Variants in APBA3 observed in about 807,000 individuals in gnomAD.
APBA3 encodes the protein amyloid beta precursor protein binding family A member 3.
In APBA3, 45 loss-of-function variants were observed where a neutral mutation model predicts 55.9. That is an observed-to-expected ratio of 0.80 (90% confidence interval 0.63 to 1.03). APBA3 has a LOEUF of 1.03. Ranked by LOEUF, APBA3 falls within the 50% of genes least tolerant of loss-of-function variation. The pLI is 0.00. For synonymous variants in APBA3, 370 were observed against 353.3 expected, an observed-to-expected ratio of 1.05 and a Z score of -0.53; for missense variants, 865 against 820.3, an observed-to-expected ratio of 1.05 and a Z score of -0.67.
intron 3 of APBA3, among the ~76,000 whole-genome samples, chr19:3,758,275 A>G (rs2037102783): frequency 6.6e-6 from 1 of 150,932 alleles, no homozygotes; most frequent in South Asian, 2.1e-4. Flanking sequence ...TATTTTTGAG[A>G]CAGAGTCTCG....
rs1472123862 is a variant in APBA3 at position 3,759,838 on chromosome 19, C to T, written c.427G>A (p.Glu143Lys). Residue 143 changes from glutamate (E) to lysine (K), a missense_variant, in exon 2 of 11, where the codon GAG (glutamate) becomes AAG (lysine). By Grantham distance (56) the Glu-to-Lys change is moderately conservative (BLOSUM62 1). Coordinates refer to ENST00000316757, the MANE Select transcript of APBA3 (RefSeq NM_004886.4). ...EPAPRLLQPP[E>K]DPDEDSDSPE... The stretch of plus-strand genomic sequence containing the variant: ...GAGTCAGAATCCTCATCTGGGTCCT[C>T]AGGGGGCTGCAACAGTCGGGGGGCA... The T allele has an allele frequency of 1.2e-6, 2 of 1,612,646 alleles. No homozygotes were observed. Among genetic ancestry groups the T allele is most frequent in the African/African-American group, 2.7e-5 (2 of 74,900 alleles).
chr19:3,756,901 C>T (rs1193971850), intron 3 of APBA3, among the ~76,000 whole-genome samples: 3 of 152,038 alleles, frequency 2.0e-5, no homozygotes, highest in Non-Finnish European at 2.9e-5. Context: ...ATAACTATTC[C>T]CTCCATGGTT....
intron 8 of APBA3, chr19:3,751,789 G>A (rs762031466): frequency 3.1e-5 from 17 of 541,638 alleles, no homozygotes; most frequent in African/African-American, 1.2e-4. Flanking sequence ...GCCGACAGCC[G>A]GGCTCTCCAG....
intron 1 of APBA3, among the ~76,000 whole-genome samples, chr19:3,760,525 AGAT>A (rs1344777710): frequency 1.3e-5 from 2 of 152,030 alleles, no homozygotes; most frequent in African/African-American, 4.8e-5. Flanking sequence ...CGAGGCGGGC[AGAT>A]CATGGGGTCA....
chr19:3,751,710 G>A (rs1469935096), intron 8 of APBA3, 157 bp from the exon 9 acceptor site: 12 of 859,568 alleles, frequency 1.4e-5, no homozygotes, highest in South Asian at 1.3e-4. Context: ...GAACAGACTC[G>A]GGCCCGGTGG....
At chr19:3,755,561 G>GGGGGGGGC (rs2037068246) in intron 3 of APBA3, 1 of 128,344 alleles carries the variant, frequency 7.8e-6, no homozygotes, top group South Asian at 2.7e-4. Flanking sequence ...TAGGAGGCCG[G>GGGGGGGGC]GGGGGGGGGG....
intron 3 of APBA3, among the ~76,000 whole-genome samples, chr19:3,758,506 GC>G (rs1202500681): frequency 6.6e-6 from 1 of 151,910 alleles, no homozygotes; most frequent in Non-Finnish European, 1.5e-5. Context: ...CGATCCTCCT[GC>G]CTCAGCCTCC....
rs1179085651 is a variant in APBA3 at position 3,759,572 on chromosome 19, G to A, written c.605C>T (p.Ala202Val). The change falls in exon 3 of 11, where the codon GCC becomes GTC. Residue 202 changes from alanine to valine, a missense_variant. Physicochemically the swap from Ala to Val is moderately conservative, Grantham distance 64. Coordinates refer to ENST00000316757, the MANE Select transcript of APBA3 (RefSeq NM_004886.4). ...QSPETLASYP[A>V]PQEVPGPCDH... ...GGCGGGACACTCACCCTCCTGGGGG[G>A]CAGGGTAGGAAGCCAGGGTCTCGGG... 2.5e-6 allele frequency: 4 copies of A among 1,599,534 alleles called. No individual in the cohort carries two copies. In the South Asian group the frequency reaches 3.4e-5, roughly 13 times the overall value.
At chr19:3,753,603 G>A (rs1005942693) in intron 6 of APBA3, 162 bp downstream of exon 6, 18 of 687,912 alleles carry the variant, frequency 2.6e-5, no homozygotes, top group African/African-American at 1.3e-4. Flanking sequence ...CTATGATTGC[G>A]CCACTGCACT....
intron 2 of APBA3, 42 bp downstream of exon 2, chr19:3,759,647 T>G: frequency 6.2e-7 from 1 of 1,607,698 alleles, no homozygotes; most frequent in South Asian, 1.1e-5. Flanking sequence ...CCTGCTTGGT[T>G]CCAGGCAGTC....
chr19:3,757,205 C>T (rs1352043750), intron 3 of APBA3, among the ~76,000 whole-genome samples: 1 of 151,912 alleles, frequency 6.6e-6, no homozygotes, highest in Non-Finnish European at 1.5e-5. Flanking sequence ...CTCAAGTGAT[C>T]CTCCCACCTC....
intron 8 of APBA3, 22 bp from the exon 9 acceptor site, chr19:3,751,575 C>T (rs2037006364): frequency 1.3e-6 from 2 of 1,570,856 alleles, no homozygotes; most frequent in South Asian, 1.2e-5. Context: ...GGGCCGTTGG[C>T]CTCACTCAGC....
intron 8 of APBA3, among the ~76,000 whole-genome samples, chr19:3,752,306 T>C (rs1568391907): frequency 1.3e-5 from 2 of 152,212 alleles, no homozygotes; most frequent in Non-Finnish European, 2.9e-5. Context: ...ATCCTGGCTC[T>C]GGTACTAGGG....
intron 3 of APBA3, 50 bp downstream of exon 3, chr19:3,759,511 G>C: frequency 6.5e-7 from 1 of 1,536,586 alleles, no homozygotes; most frequent in African/African-American, 1.4e-5. Flanking sequence ...CCTGATTCTG[G>C]CTGTCTAGGG....
At position 3,753,269 on chromosome 19, in the gene APBA3, C is replaced by A. The variant is rs192612284; in HGVS notation, c.1012-279G>T. 3.5e-4 allele frequency: 178 copies of A among 506,086 alleles called. 1 individual carries two copies. Among genetic ancestry groups the A allele is most frequent in the African/African-American group, 3.2e-3 (168 of 51,702 alleles). 31.3% of individuals were successfully genotyped at this position (506,086 alleles called of 1,614,324 possible). A position where few individuals can be genotyped will look rare whatever the true frequency, so the allele number is the denominator to read the frequency against. On this transcript the variant is annotated intron_variant, in intron 6 of 10. Coordinates refer to ENST00000316757, the MANE Select transcript of APBA3 (RefSeq NM_004886.4). ...GTGGGAAAAGCTATCAAAGACCCAGCCAGGGGGCCTGGGGCCTCATGGGTG... is the reference window on the plus strand; with the variant it reads ...GTGGGAAAAGCTATCAAAGACCCAGACAGGGGGCCTGGGGCCTCATGGGTG...
At position 3,751,508 on chromosome 19, in the gene APBA3, G is replaced by T. The variant is rs2037003852; in HGVS notation, c.1441C>A (p.Pro481Thr). ...TGGATGATGGCGGTGGTGACGGGAGGGCAGTGGACGATGCTGAGTGTCACC... is the reference window on the plus strand; with the variant it reads ...TGGATGATGGCGGTGGTGACGGGAGTGCAGTGGACGATGCTGAGTGTCACC... Reference protein sequence around the residue: ...TSVTLSIVHCPPVTTAIIHRP... With the variant: ...TSVTLSIVHCTPVTTAIIHRP... The change falls in exon 9 of 11, where the codon CCT becomes ACT. Residue 481 changes from proline (P) to threonine (T), a missense_variant. By Grantham distance (38) the Pro-to-Thr change is conservative (BLOSUM62 -1). Transcript: ENST00000316757. The T allele has an allele frequency of 1.3e-6, 2 of 1,587,004 alleles. No individual in the cohort carries two copies. Among genetic ancestry groups the T allele is most frequent in the African/African-American group, 1.3e-5 (1 of 74,334 alleles).
chr19:3,752,344 C>G (rs1568391925), intron 8 of APBA3, among the ~76,000 whole-genome samples, 164 bp downstream of exon 8: 1 of 152,178 alleles, frequency 6.6e-6, no homozygotes, highest in East Asian at 1.9e-4. Context: ...GGCCTCCCTT[C>G]TCCAGGCCTC....
chr19:3,752,641 G>A lies in APBA3; in HGVS notation c.1262C>T (p.Ala421Val). Reference sequence around the variant, plus strand: ...CCCGTGCAGCAGGTTGGCGATGACGGCTGTGGGCAGCAGGGAGCCCCAGCC... The same window carrying A: ...CCCGTGCAGCAGGTTGGCGATGACGACTGTGGGCAGCAGGGAGCCCCAGCC... ...ESGWGSLLPT[A>V]VIANLLHGGP... Residue 421 changes from alanine (A) to valine (V), a missense_variant, in exon 8 of 11, where the codon GCC (alanine) becomes GTC (valine). Coordinates refer to ENST00000316757, the MANE Select transcript of APBA3 (RefSeq NM_004886.4). The A allele has an allele frequency of 1.9e-6, 3 of 1,589,066 alleles. No homozygotes were observed. Among genetic ancestry groups the A allele is most frequent in the Non-Finnish European group, 2.6e-6 (3 of 1,173,500 alleles).
intron 3 of APBA3, 53 bp from the exon 4 acceptor site, chr19:3,754,393 C>T: frequency 6.6e-7 from 1 of 1,523,476 alleles, no homozygotes; most frequent in Non-Finnish European, 8.8e-7. Context: ...CCCACAGGCT[C>T]TGCCCCAGGG....
Sources: allele counts gnomAD v4.1 joint callset (sites outside exome capture counted in the v4.1 genomes callset), GRCh38; gene constraint gnomAD v4.1.1; transcripts MANE v1.5; gene names NCBI Gene and HGNC (gene_info 2026-07-23, HGNC 2026-07-21).